The following GLI2 variants were observed in gnomAD, a reference collection of about 807,000 sequenced individuals.
The protein encoded by GLI2 is GLI family zinc finger 2.
GLI2 carries 22 observed loss-of-function variants against 78.9 expected under a neutral mutation model. The observed-to-expected ratio is 0.28, with a 90% CI of 0.20 to 0.40. The LOEUF is 0.40. Ranked by LOEUF, GLI2 falls within the 10% of genes least tolerant of loss-of-function variation. GLI2 has a pLI of 1.00. For missense variants in GLI2, 2,097 were observed against 2,213.2 expected (o/e 0.95, Z 1.05); for synonymous variants, 974 against 963.7 (o/e 1.01, Z -0.20).
At chr2:120,942,853 C>T (rs1400544574) in intron 3 of GLI2, among the ~76,000 whole-genome samples, 1 of 111,554 alleles carries the variant, frequency 9.0e-6, no homozygotes. Flanking sequence ...TTCATTCGTT[C>T]ACGCCCTCTT....
chr2:120,950,012 C>G (rs954778199), intron 3 of GLI2, among the ~76,000 whole-genome samples: 1 of 152,202 alleles, frequency 6.6e-6, no homozygotes, highest in Non-Finnish European at 1.5e-5. Flanking sequence ...GAGGGCCTCC[C>G]GGGCAATGCT....
At chr2:120,983,097 G>A (rs867357019) in intron 11 of GLI2, among the ~76,000 whole-genome samples, 61 of 152,184 alleles carry the variant, frequency 4.0e-4, no homozygotes, top group African/African-American at 1.3e-3. Context: ...AAGATGCCCC[G>A]TGAGGTCCCA....
chr2:120,839,206 T>C (rs1686752165), intron 2 of GLI2, among the ~76,000 whole-genome samples: 1 of 150,160 alleles, frequency 6.7e-6, no homozygotes, highest in African/African-American at 2.5e-5. Context: ...TATATTTGTA[T>C]ATGTTCATAT....
intron 2 of GLI2, among the ~76,000 whole-genome samples, chr2:120,904,041 G>A (rs1678395336): frequency 6.6e-6 from 1 of 152,092 alleles, no homozygotes; most frequent in Admixed American, 6.6e-5. Flanking sequence ...AGGGTGGGGA[G>A]GAGGCTGTCC....
chr2:120,782,930 A>C (rs1014920972), intron 1 of GLI2, among the ~76,000 whole-genome samples: 1 of 152,182 alleles, frequency 6.6e-6, no homozygotes, highest in Non-Finnish European at 1.5e-5. Context: ...TGGGACCTCC[A>C]TGAGGCTCCC....
At chr2:120,845,629 C>T (rs1326632963) in intron 2 of GLI2, among the ~76,000 whole-genome samples, 1 of 152,108 alleles carries the variant, frequency 6.6e-6, no homozygotes, top group South Asian at 2.1e-4. Context: ...AGTCGGGAGC[C>T]CCGGTCAGCT....
chr2:120,938,873 C>T (rs1023751800), intron 3 of GLI2, among the ~76,000 whole-genome samples: 1 of 152,170 alleles, frequency 6.6e-6, no homozygotes, highest in African/African-American at 2.4e-5. Context: ...GCCCTGTAGC[C>T]GTCCTGCTCC....
chr2:120,856,099 G>A (rs892255378), intron 2 of GLI2, among the ~76,000 whole-genome samples: 6 of 152,124 alleles, frequency 3.9e-5, no homozygotes, highest in Non-Finnish European at 8.8e-5. Flanking sequence ...GAGCAGGGCT[G>A]TACAACTGGA....
intron 1 of GLI2, among the ~76,000 whole-genome samples, chr2:120,761,649 G>C (rs1280849907): frequency 6.6e-6 from 1 of 152,140 alleles, no homozygotes. Flanking sequence ...CTTAGTCCCA[G>C]CCCGGGAGAG....
At chr2:120,830,239 G>A (rs990352597) in intron 2 of GLI2, among the ~76,000 whole-genome samples, 2 of 152,186 alleles carry the variant, frequency 1.3e-5, no homozygotes, top group African/African-American at 2.4e-5. Flanking sequence ...TCACCGGGTC[G>A]TGTCTTGAGC....
At chr2:120,816,678 C>T (rs1283982261) in intron 2 of GLI2, among the ~76,000 whole-genome samples, 3 of 151,766 alleles carry the variant, frequency 2.0e-5, no homozygotes, top group Non-Finnish European at 2.9e-5. Context: ...AGTAGGATTA[C>T]ACTTCTGCAA....
intron 2 of GLI2, among the ~76,000 whole-genome samples, chr2:120,825,400 A>T (rs1274376780): frequency 8.8e-5 from 13 of 148,278 alleles, no homozygotes; most frequent in Non-Finnish European, 1.5e-5. Context: ...CCTGGCTGTG[A>T]GTGTGTGCTG....
At chr2:120,807,767 C>T (rs1252792305) in intron 2 of GLI2, among the ~76,000 whole-genome samples, 2 of 152,184 alleles carry the variant, frequency 1.3e-5, no homozygotes, top group African/African-American at 2.4e-5. Context: ...CTCCTAGGGT[C>T]TGTGTCCTCC....
At chr2:120,788,497 T>C (rs546402334) in intron 1 of GLI2, among the ~76,000 whole-genome samples, 2 of 152,284 alleles carry the variant, frequency 1.3e-5, no homozygotes, top group African/African-American at 4.8e-5. Context: ...AACCTCAAAG[T>C]AGGTCTTACC....
chr2:120,768,445 G>A (rs538529464), intron 1 of GLI2, among the ~76,000 whole-genome samples: 2 of 152,330 alleles, frequency 1.3e-5, no homozygotes, highest in East Asian at 3.9e-4. Context: ...CAGCTGGCCT[G>A]CAGGCTGAGA....
chr2:120,886,888 G>A (rs72955318), intron 2 of GLI2, among the ~76,000 whole-genome samples: 3,255 of 152,292 alleles, frequency 0.021, 113 homozygotes, highest in African/African-American at 0.074. Context: ...AAGATGCCAC[G>A]GTCTGTCTGT....
At chr2:120,827,002 C>G (rs1435796928) in intron 2 of GLI2, among the ~76,000 whole-genome samples, 1 of 152,224 alleles carries the variant, frequency 6.6e-6, no homozygotes, top group Non-Finnish European at 1.5e-5. Flanking sequence ...TTCGCTTTCA[C>G]TGTGTGGTGA....
chr2:120,823,800 G>A (rs1430417708), intron 2 of GLI2, among the ~76,000 whole-genome samples: 2 of 152,178 alleles, frequency 1.3e-5, no homozygotes, highest in African/African-American at 4.8e-5. Flanking sequence ...GTGAAGCCGT[G>A]TGGGATTCCG....
intron 1 of GLI2, among the ~76,000 whole-genome samples, chr2:120,777,140 T>G (rs1365191463): frequency 6.6e-6 from 1 of 151,916 alleles, no homozygotes; most frequent in African/African-American, 2.4e-5. Context: ...AATGTGAGAG[T>G]GGGAACCAGC....
Sources: allele counts gnomAD v4.1 joint callset (sites outside exome capture counted in the v4.1 genomes callset), GRCh38; gene constraint gnomAD v4.1.1; transcripts MANE v1.5; gene names NCBI Gene and HGNC (gene_info 2026-07-23, HGNC 2026-07-21).